The following ADPGK variants were observed in gnomAD, a reference collection of about 807,000 sequenced individuals.
ADPGK encodes ADP-dependent glucokinase.
In ADPGK, 26 loss-of-function variants were observed where a neutral mutation model predicts 42.4. The observed-to-expected ratio is 0.61, with a 90% CI of 0.45 to 0.85. ADPGK has a LOEUF of 0.85. Among genes scored for constraint, ADPGK ranks in the 40% least tolerant of loss-of-function variants. ADPGK has a pLI of 0.00. For missense variants in ADPGK, 571 were observed against 627.0 expected, an observed-to-expected ratio of 0.91 and a Z score of 0.95; for synonymous variants, 267 against 252.6, an observed-to-expected ratio of 1.06 and a Z score of -0.54.
intron 3 of ADPGK, among the ~76,000 whole-genome samples, chr15:72,763,303 C>T (rs1333261674): frequency 4.1e-4 from 62 of 151,446 alleles, no homozygotes; most frequent in Admixed American, 4.1e-3. Context: ...GGACACACAC[C>T]ACCACACTCG....
intron 3 of ADPGK, among the ~76,000 whole-genome samples, chr15:72,767,300 G>T (rs895450729): frequency 4.0e-5 from 6 of 148,396 alleles, no homozygotes; most frequent in Non-Finnish European, 6.0e-5. Context: ...AAAAGTTACA[G>T]AACTATAAAG....
At chr15:72,758,228 G>T (rs958779687) in intron 4 of ADPGK, 26 of 1,085,322 alleles carry the variant, frequency 2.4e-5, no homozygotes, top group South Asian at 1.6e-4. Flanking sequence ...GATGCAAATG[G>T]ATCTAATTCT....
chr15:72,768,651 G>T (rs966484379), intron 3 of ADPGK, among the ~76,000 whole-genome samples: 2 of 150,930 alleles, frequency 1.3e-5, no homozygotes, highest in East Asian at 3.9e-4. Flanking sequence ...TCTGGGCAGA[G>T]CGAGACTCCA....
rs547044523 is a variant in ADPGK, at chr15:72,763,636, G to T, written c.523-3109C>A. Reference sequence around the variant, plus strand: ...TTTAATGTGAGGTTTGTAACATGAGGAAGTCAAATATCTCATAATAATAGT... The same window carrying T: ...TTTAATGTGAGGTTTGTAACATGAGTAAGTCAAATATCTCATAATAATAGT... On this transcript the variant is annotated intron_variant, in intron 3 of 6. Transcript: ENST00000456471. Among the ~76,000 whole-genome samples the T allele has an allele frequency of 9.8e-5, 15 of 152,290 alleles. No homozygotes were observed. The East Asian group carries it at 2.5e-3, about 25-fold the overall frequency.
intron 6 of ADPGK, among the ~76,000 whole-genome samples, chr15:72,753,363 C>A (rs2066072333): frequency 6.6e-6 from 1 of 152,064 alleles, no homozygotes; most frequent in Non-Finnish European, 1.5e-5. Flanking sequence ...AAAAAGCATA[C>A]AGTTTCATGT....
intron 3 of ADPGK, among the ~76,000 whole-genome samples, chr15:72,766,837 A>G (rs2066266919): frequency 6.6e-6 from 1 of 152,208 alleles, no homozygotes; most frequent in Admixed American, 6.5e-5. Flanking sequence ...AAATGAAATC[A>G]TAGAAAATAA....
intron 6 of ADPGK, among the ~76,000 whole-genome samples, chr15:72,754,480 T>C (rs1229678858): frequency 1.3e-5 from 2 of 152,240 alleles, no homozygotes; most frequent in Non-Finnish European, 2.9e-5. Flanking sequence ...GAGGGCAATC[T>C]GGCAATCTCA....
chr15:72,755,482 G>T, intron 6 of ADPGK, 74 bp downstream of exon 6: 1 of 1,117,148 alleles, frequency 9.0e-7, no homozygotes. Context: ...CAAACAGATG[G>T]TCCCACTGCA....
intron 1 of ADPGK, among the ~76,000 whole-genome samples, chr15:72,780,478 C>A (rs1362264476): frequency 1.3e-5 from 2 of 152,128 alleles, no homozygotes; most frequent in Non-Finnish European, 2.9e-5. Context: ...GGACACAAAG[C>A]CTAACCATAT....
rs901613518 is a variant in ADPGK at position 72,760,975 on chromosome 15, TATAAG to T, written c.523-453_523-449del. ...CCTAATCAGATAGAACTGGTGGCCT[TATAAG>T]AAAAGAGAGAGAGATCAATCTCTCT... On this transcript the variant is annotated intron_variant, in intron 3 of 6. Transcript: ENST00000456471. 3.3e-5 allele frequency among the ~76,000 whole-genome samples: 5 copies of T among 151,998 alleles called. No individual in the cohort carries two copies. The East Asian group carries it at 7.7e-4, about 24-fold the overall frequency.
chr15:72,777,404 A>G (rs2151092686), intron 1 of ADPGK, among the ~76,000 whole-genome samples: 1 of 152,266 alleles, frequency 6.6e-6, no homozygotes, highest in African/African-American at 2.4e-5. Flanking sequence ...TTCAAAAACT[A>G]TAAACACCCT....
chr15:72,757,937 G>C, intron 4 of ADPGK: 1 of 776,934 alleles, frequency 1.3e-6, no homozygotes, highest in South Asian at 1.8e-5. Flanking sequence ...TGCAAGGCAA[G>C]GATGAGAAGA....
At chr15:72,763,139 T>C (rs1480250888) in intron 3 of ADPGK, among the ~76,000 whole-genome samples, 1 of 151,946 alleles carries the variant, frequency 6.6e-6, no homozygotes, top group African/African-American at 2.4e-5. Flanking sequence ...GAGAATGACA[T>C]GAGATGGAAA....
At chr15:72,782,592 C>T (rs1042475267) in intron 1 of ADPGK, among the ~76,000 whole-genome samples, 1 of 148,330 alleles carries the variant, frequency 6.7e-6, no homozygotes, top group Non-Finnish European at 1.5e-5. Context: ...AAAGCAGGCA[C>T]TATGCTAGAG....
At chr15:72,762,837 A>G (rs1197900255) in intron 3 of ADPGK, among the ~76,000 whole-genome samples, 1 of 152,110 alleles carries the variant, frequency 6.6e-6, no homozygotes, top group Non-Finnish European at 1.5e-5. Flanking sequence ...CAAAAAATTT[A>G]GCTAGGCGTG....
chr15:72,762,285 A>C (rs1335400058), intron 3 of ADPGK, among the ~76,000 whole-genome samples: 1 of 152,198 alleles, frequency 6.6e-6, no homozygotes, highest in East Asian at 1.9e-4. Context: ...TGCTAGGATT[A>C]CAGGCATGAG....
intron 4 of ADPGK, chr15:72,758,214 G>T (rs759941762): frequency 2.1e-4 from 269 of 1,273,510 alleles, no homozygotes; most frequent in Non-Finnish European, 2.9e-4. Flanking sequence ...CCATGCAGGG[G>T]GCAGATGCAA....
intron 1 of ADPGK, among the ~76,000 whole-genome samples, chr15:72,782,538 A>AAAAC (rs2066474125): frequency 6.6e-6 from 1 of 150,808 alleles, no homozygotes; most frequent in South Asian, 2.1e-4. Context: ...AAAAAAAAAA[A>AAAAC]AAAAAAAAAA....
intron 3 of ADPGK, among the ~76,000 whole-genome samples, chr15:72,767,538 A>C (rs2066275971): frequency 6.6e-6 from 1 of 152,188 alleles, no homozygotes; most frequent in African/African-American, 2.4e-5. Context: ...ACCAAGATAG[A>C]ATATTCTGCA....
Sources: gnomAD v4.1 joint callset for allele counts (sites outside exome capture counted in the v4.1 genomes callset) on GRCh38, gnomAD v4.1.1 for gene constraint, MANE v1.5 for transcripts, NCBI Gene and HGNC (gene_info 2026-07-23, HGNC 2026-07-21) for gene names.